PKD2L1: variants seen among roughly 807,000 people sequenced by gnomAD.
PKD2L1 encodes polycystin 2 like 1, transient receptor potential cation channel.
Under a neutral mutation model 93.0 loss-of-function variants are expected in PKD2L1, and 77 were observed. The observed-to-expected ratio is 0.83, with a 90% CI of 0.69 to 1.00. PKD2L1 has a LOEUF of 1.00. PKD2L1 is among the 50% of genes least tolerant of loss of function. The probability of loss-of-function intolerance (pLI) is 0.00; values close to 1 mark genes in which losing one functional copy is unlikely to be tolerated. For synonymous variants in PKD2L1, 390 were observed against 388.0 expected, an observed-to-expected ratio of 1.01 and a Z score of -0.06; for missense variants, 977 against 990.9, an observed-to-expected ratio of 0.99 and a Z score of 0.19.
At chr10:100,307,067 C>A (rs1035243521) in intron 2 of PKD2L1, among the ~76,000 whole-genome samples, 1 of 152,072 alleles carries the variant, frequency 6.6e-6, no homozygotes, top group Non-Finnish European at 1.5e-5. Flanking sequence ...CTGACAGAGG[C>A]TCAACATATC....
At chr10:100,316,899 T>C (rs1486704112) in intron 2 of PKD2L1, among the ~76,000 whole-genome samples, 1 of 151,564 alleles carries the variant, frequency 6.6e-6, no homozygotes, top group African/African-American at 2.4e-5. Flanking sequence ...CCAGCCTGGG[T>C]AACATGGTAA....
In PKD2L1 at chr10:100,297,109, G is replaced by A. The variant is rs150484120; in HGVS notation, c.1056C>T (p.Ile352=). ...CGCAGAAGATGACCTCACAGCCAAC[G>A]ATAAAGAAGTCCCAGTTGCTGACAT... The part of the protein sequence containing the change: ...IRYVSNWDFF[I]VGCEVIFCVF... The change falls in exon 6 of 16, where the codon ATC becomes ATT. Residue 352 remains isoleucine (I), a synonymous_variant. Coordinates refer to ENST00000318222, the MANE Select transcript of PKD2L1 (RefSeq NM_016112.3). 2.6e-3 allele frequency: 4,237 copies of A among 1,614,140 alleles called. 41 individuals carry two copies. Among genetic ancestry groups the A allele is most frequent in the African/African-American group, 0.023 (1,724 of 75,036 alleles).
chr10:100,290,903 C>A (rs564296413), intron 12 of PKD2L1, among the ~76,000 whole-genome samples: 45 of 152,280 alleles, frequency 3.0e-4, no homozygotes, highest in Non-Finnish European at 5.0e-4. Flanking sequence ...GCCAAGAATC[C>A]AAGTCTGAAA....
chr10:100,288,941 G>GAAGC, intron 15 of PKD2L1, 31 bp downstream of exon 15: 1 of 1,442,280 alleles, frequency 6.9e-7, no homozygotes, highest in African/African-American at 1.4e-5. Context: ...AGGGAAGCCT[G>GAAGC]CTGTCTGATG....
chr10:100,296,382 G>A, intron 6 of PKD2L1, 90 bp from the exon 7 acceptor site: 3 of 1,070,380 alleles, frequency 2.8e-6, no homozygotes, highest in Non-Finnish European at 3.9e-6. Flanking sequence ...AGTCAGGGTA[G>A]GTAAGACAGG....
At chr10:100,292,752 C>T (rs936973192) in intron 11 of PKD2L1, among the ~76,000 whole-genome samples, 196 bp downstream of exon 11, 2 of 152,146 alleles carry the variant, frequency 1.3e-5, no homozygotes, top group Non-Finnish European at 2.9e-5. Context: ...TTATAAACCA[C>T]GGTCAGAGAT....
chr10:100,322,053 C>T (rs577436422), intron 2 of PKD2L1, among the ~76,000 whole-genome samples: 9 of 151,894 alleles, frequency 5.9e-5, no homozygotes, highest in African/African-American at 2.2e-4. Flanking sequence ...CGGGGAAGCC[C>T]CGTCTCTATG....
chr10:100,296,255 G>A lies in PKD2L1; in HGVS notation c.1223C>T (p.Thr408Ile), dbSNP rs1474219509. The change falls in exon 7 of 16, where the codon ACC becomes ATC. Residue 408 changes from threonine to isoleucine, a missense_variant. Thr to Ile is a moderately conservative substitution (Grantham distance 89). Coordinates refer to ENST00000318222, the MANE Select transcript of PKD2L1 (RefSeq NM_016112.3). Reference sequence around the variant, plus strand: ...CCCCATGAGCCGATTCACCTCGAGGGTTCGGAATATGTGGAAGCCCACAGC... The same window carrying A: ...CCCCATGAGCCGATTCACCTCGAGGATTCGGAATATGTGGAAGCCCACAGC... Reference protein sequence around the residue: ...IVAVGFHIFRTLEVNRLMGKL... With the variant: ...IVAVGFHIFRILEVNRLMGKL... 1.2e-6 allele frequency: 2 copies of A among 1,606,738 alleles called. No individual in the cohort carries two copies. The highest frequency in any genetic ancestry group is 1.3e-5 in the African/African-American group (1 of 74,394).
intron 2 of PKD2L1, among the ~76,000 whole-genome samples, chr10:100,304,034 A>C (rs899784357): frequency 6.6e-6 from 1 of 152,250 alleles, no homozygotes; most frequent in African/African-American, 2.4e-5. Flanking sequence ...CAAGGCAGTA[A>C]ATATTACACG....
rs1483019863 is a variant in PKD2L1 at position 100,294,548 on chromosome 10, A to G, written c.1646T>C (p.Phe549Ser). ...AYFVTYVFFV[F>S]FVLLNMFLAI... is the part of the protein sequence containing the mutation. ...AGAGACCCTCACCAGGAGCACGAAGAAGACGAAGAAGACATAGGTGACAAA... is the reference window on the plus strand; with the variant it reads ...AGAGACCCTCACCAGGAGCACGAAGGAGACGAAGAAGACATAGGTGACAAA... Residue 549 changes from phenylalanine (F) to serine (S), a missense_variant, in exon 9 of 16, where the codon TTC (phenylalanine) becomes TCC (serine). Phe to Ser is a radical substitution (Grantham distance 155). Coordinates refer to ENST00000318222, the MANE Select transcript of PKD2L1 (RefSeq NM_016112.3). 1 of 1,614,068 alleles carries G rather than the reference A, an allele frequency of 6.2e-7. No homozygotes were observed. The highest frequency in any genetic ancestry group is 1.7e-5 in the Admixed American group (1 of 60,022).
rs140503948 is a variant in PKD2L1 at position 100,330,041 on chromosome 10, G to A, written c.63C>T (p.Asp21=). 9.7e-5 allele frequency: 157 copies of A among 1,611,264 alleles called. 1 individual carries two copies. The highest frequency in any genetic ancestry group is 4.9e-4 in the Middle Eastern group (3 of 6,066). ...AAGGGGGACCACTGTAGGCGGGGTT[G>A]TCCCAGGCTCCACTCCCCAGCTTTT... ...ELQKLGSGAW[D]NPAYSGPPSP... is the part of the protein sequence containing the mutation. Residue 21 remains aspartate (D), a synonymous_variant, in exon 1 of 16, where the codon GAC becomes GAT. Transcript: ENST00000318222.
At chr10:100,325,697 G>T (rs192940822) in intron 2 of PKD2L1, among the ~76,000 whole-genome samples, 1 of 152,242 alleles carries the variant, frequency 6.6e-6, no homozygotes, top group Admixed American at 6.5e-5. Context: ...AAAGGTATCA[G>T]ATTAATTCTT....
At position 100,296,128 on chromosome 10, in the gene PKD2L1, C is replaced by A. The variant is rs1848531038; in HGVS notation, c.1350G>T (p.Trp450Cys). Residue 450 changes from tryptophan (W) to cysteine (C), a missense_variant, in exon 7 of 16, where the codon TGG (tryptophan) becomes TGT (cysteine). Physicochemically the swap from Trp to Cys is radical, Grantham distance 215 (BLOSUM62 -2). Coordinates refer to ENST00000318222, the MANE Select transcript of PKD2L1 (RefSeq NM_016112.3). ...NMNAVNLFFA[W>C]IKIFKYISFN... ...GTGTGGGAATCCCAGGTACCTTGAT[C>A]CAGGCGAAGAAGAGGTTGACAGCAT... The A allele has an allele frequency of 5.0e-6, 8 of 1,607,988 alleles. No individual in the cohort carries two copies. The highest frequency in any genetic ancestry group is 2.7e-5 in the African/African-American group (2 of 74,432).
At position 100,298,549 on chromosome 10, in the gene PKD2L1, C is replaced by T; in HGVS notation, c.731+13G>A. The T allele has an allele frequency of 6.2e-7, 1 of 1,612,956 alleles. No homozygotes were observed. The highest frequency in any genetic ancestry group is 8.5e-7 in the Non-Finnish European group (1 of 1,179,288). ...GGCAAGCCCTGTGATATTGGTAGGA[C>T]AGGCTCACTCACGCTGTGCCATTGA... On this transcript the variant is annotated intron_variant, in intron 4 of 15. Coordinates refer to ENST00000318222, the MANE Select transcript of PKD2L1 (RefSeq NM_016112.3).
rs1290444774 is a variant in PKD2L1 at position 100,294,670 on chromosome 10, C to G, written c.1539-15G>C. On this transcript the variant is annotated splice_polypyrimidine_tract_variant and intron_variant, in intron 8 of 15. Coordinates refer to ENST00000318222, the MANE Select transcript of PKD2L1 (RefSeq NM_016112.3). ...ACTGAGTGAAACTGAGAGACCAGGT[C>G]TGGGCTTTACCCAGAGCCTAACAAA... The G allele has an allele frequency of 1.2e-6, 2 of 1,614,082 alleles. No individual in the cohort carries two copies. Among genetic ancestry groups the G allele is most frequent in the Admixed American group, 3.3e-5 (2 of 60,016 alleles).
At chr10:100,293,093 C>G in intron 10 of PKD2L1, 24 bp from the exon 11 acceptor site, 1 of 1,610,540 alleles carries the variant, frequency 6.2e-7, no homozygotes. Context: ...GAAATAGGCA[C>G]AAGTTCTCAC....
chr10:100,300,253 A>G (rs1425546051), intron 2 of PKD2L1, among the ~76,000 whole-genome samples: 1 of 152,042 alleles, frequency 6.6e-6, no homozygotes, highest in Non-Finnish European at 1.5e-5. Flanking sequence ...TAGGCACAGC[A>G]CCTCTGTCCC....
chr10:100,293,480 T>TC, intron 9 of PKD2L1, 101 bp from the exon 10 acceptor site: 1 of 764,872 alleles, frequency 1.3e-6, no homozygotes, highest in East Asian at 2.5e-5. Context: ...TCCAAAGGGG[T>TC]CAGTGCTCTC....
In PKD2L1 at chr10:100,318,856, T is replaced by C. The variant is rs116869161; in HGVS notation, c.349+10355A>G. Among the ~76,000 whole-genome samples the C allele has an allele frequency of 3.2e-3, 488 of 150,544 alleles. 8 individuals carry two copies. The highest frequency in any genetic ancestry group is 0.013 in the East Asian group (69 of 5,116). ...CTTTTTTTCTCTCTCTCTATCTTTT[T>C]TTTTTTTTTAGATGGAATCTCACTC... On this transcript the variant is annotated intron_variant, in intron 2 of 15. Coordinates refer to ENST00000318222, the MANE Select transcript of PKD2L1 (RefSeq NM_016112.3).
Sources: gnomAD v4.1 joint callset for allele counts (sites outside exome capture counted in the v4.1 genomes callset) on GRCh38, gnomAD v4.1.1 for gene constraint, MANE v1.5 for transcripts, NCBI Gene and HGNC (gene_info 2026-07-23, HGNC 2026-07-21) for gene names.